ANKHD1: variants seen among roughly 807,000 people sequenced by gnomAD.
ANKHD1 encodes ankyrin repeat and KH domain-containing protein 1.
Under a neutral mutation model 230.5 loss-of-function variants are expected in ANKHD1, and 31 were observed. The ratio of observed to expected loss-of-function variants is 0.13; its 90% CI spans 0.10 to 0.18. The LOEUF is 0.18. Ranked by LOEUF, ANKHD1 falls within the 10% of genes least tolerant of loss-of-function variation. The pLI, the probability that ANKHD1 is intolerant of heterozygous loss-of-function variation, is 1.00. For synonymous variants in ANKHD1, 1,074 were observed against 1,117.6 expected (o/e 0.96, Z 0.78); for missense variants, 2,256 against 3,071.3 (o/e 0.73, Z 6.27).
chr5:140,436,745 GAA>G lies in ANKHD1; in HGVS notation c.460+503_460+504del, dbSNP rs1170599052. 1.5e-4 allele frequency among the ~76,000 whole-genome samples: 15 copies of G among 100,016 alleles called. No individual in the cohort carries two copies. The East Asian group carries it at 2.2e-3, about 15-fold the overall frequency. 65.6% of individuals were successfully genotyped at this position (100,016 alleles called of 152,430 possible). ...TGGGCAACAGAGCGAGACTCCGTCT[GAA>G]AAAAAAAAAAAAAAGATAATCAGCT... On this transcript the variant is annotated intron_variant, in intron 2 of 33. Transcript: ENST00000360839.
chr5:140,407,728 G>A (rs1169325247), intron 1 of ANKHD1, among the ~76,000 whole-genome samples: 1 of 152,078 alleles, frequency 6.6e-6, no homozygotes, highest in Non-Finnish European at 1.5e-5. Flanking sequence ...TAGAATTGTG[G>A]TCTTTTAATT....
chr5:140,525,331 C>T (rs531763354), intron 25 of ANKHD1, among the ~76,000 whole-genome samples: 116 of 151,872 alleles, frequency 7.6e-4, no homozygotes, highest in African/African-American at 2.3e-3. Flanking sequence ...GGTGCAATCT[C>T]GGCTCACTGC....
intron 1 of ANKHD1, among the ~76,000 whole-genome samples, chr5:140,432,948 C>T (rs1197920552): frequency 3.3e-5 from 5 of 151,988 alleles, no homozygotes; most frequent in Non-Finnish European, 7.4e-5. Flanking sequence ...AATGATCCCC[C>T]CCACCCTGGC....
At chr5:140,488,137 C>G (rs1458903534) in intron 14 of ANKHD1, among the ~76,000 whole-genome samples, 1 of 152,140 alleles carries the variant, frequency 6.6e-6, no homozygotes. Flanking sequence ...ATTAAACATG[C>G]ATCTGTAAGT....
At chr5:140,504,721 A>C in intron 15 of ANKHD1, 100 bp from the exon 16 acceptor site, 2 of 1,455,784 alleles carry the variant, frequency 1.4e-6, no homozygotes, top group South Asian at 2.8e-5. Context: ...TACTATTACT[A>C]CATATTACTG....
chr5:140,485,091 G>C lies in ANKHD1; in HGVS notation c.1871-30G>C. 1 of 1,587,918 alleles carries C rather than the reference G, an allele frequency of 6.3e-7. No homozygotes were observed. Among genetic ancestry groups the C allele is most frequent in the Non-Finnish European group, 8.6e-7 (1 of 1,159,932 alleles). ...ATGAACTAGCTTGATGTCAACCTTTGCTAAGATTGCGATTTATTTTTCTTC... is the reference window on the plus strand; with the variant it reads ...ATGAACTAGCTTGATGTCAACCTTTCCTAAGATTGCGATTTATTTTTCTTC... On this transcript the variant is annotated intron_variant, in intron 11 of 33. Coordinates refer to ENST00000360839, the MANE Select transcript of ANKHD1 (RefSeq NM_017747.3). The surrounding 1 kb of genome is among the most constrained non-coding windows in gnomAD (Gnocchi z 4.8).
chr5:140,518,803 T>C (rs1393313543), intron 24 of ANKHD1, among the ~76,000 whole-genome samples: 1 of 152,116 alleles, frequency 6.6e-6, no homozygotes, highest in African/African-American at 2.4e-5. Flanking sequence ...ATAAGAGCTA[T>C]CTATGACAAC....
At position 140,482,751 on chromosome 5, in the gene ANKHD1, C is replaced by G. The variant is rs1373861675; in HGVS notation, c.1870+84C>G. 2.2e-6 allele frequency: 3 copies of G among 1,389,472 alleles called. No individual in the cohort carries two copies. In the African/African-American group the frequency reaches 4.3e-5, roughly 20 times the overall value. The allele number at this position is 1,389,472 out of a possible 1,614,324, so 86.1% of individuals were successfully genotyped here. On this transcript the variant is annotated intron_variant, in intron 11 of 33. Transcript: ENST00000360839. ...TAAACTGTTGCAATTTATGTTATGG[C>G]TACTTTACCTACAGTAAAGTATTGT... is the stretch of plus-strand genomic sequence containing the variant.
In ANKHD1 at chr5:140,537,372, A is replaced by T. The variant is rs1309360225; in HGVS notation, c.7028-17A>T. 6.2e-7 allele frequency: 1 copy of T among 1,613,306 alleles called. No homozygotes were observed. Among genetic ancestry groups the T allele is most frequent in the South Asian group, 1.1e-5 (1 of 90,892 alleles). ...CTATTCCATCTGTTTCTTCGGGATC[A>T]TCTTCACCTCTTTCAGCCACTTCTG... On this transcript the variant is annotated splice_polypyrimidine_tract_variant and intron_variant, in intron 30 of 33. Transcript: ENST00000360839.
At chr5:140,426,011 A>T (rs1324801738) in intron 1 of ANKHD1, among the ~76,000 whole-genome samples, 1 of 152,182 alleles carries the variant, frequency 6.6e-6, no homozygotes, top group African/African-American at 2.4e-5. Context: ...AGGATAAGAC[A>T]TGTTGGCCTA....
intron 9 of ANKHD1, 23 bp from the exon 10 acceptor site, chr5:140,464,644 A>G (rs777607297): frequency 6.6e-7 from 1 of 1,521,770 alleles, no homozygotes; most frequent in South Asian, 1.3e-5. Context: ...CACAAAGTAA[A>G]TGTATGCTTT....
At position 140,526,065 on chromosome 5, in the gene ANKHD1, C is replaced by T; in HGVS notation, c.4562C>T (p.Ser1521Phe). 6.2e-7 allele frequency: 1 copy of T among 1,612,976 alleles called. No individual in the cohort carries two copies. Among genetic ancestry groups the T allele is most frequent in the Non-Finnish European group, 8.5e-7 (1 of 1,179,756 alleles). Residue 1521 changes from serine (S) to phenylalanine (F), a missense_variant, in exon 26 of 34, where the codon TCT becomes TTT. Transcript: ENST00000360839. The part of the protein sequence containing the change: ...TTTTIGISAT[S>F]ATFTNVFGKK... Reference sequence around the variant, plus strand: ...ACTACGATTGGAATCTCTGCAACATCTGCAACATTCACAAATGTGTTTGGG... The same window carrying T: ...ACTACGATTGGAATCTCTGCAACATTTGCAACATTCACAAATGTGTTTGGG...
chr5:140,486,883 G>T, intron 13 of ANKHD1, 75 bp from the exon 14 acceptor site: 2 of 1,449,992 alleles, frequency 1.4e-6, no homozygotes, highest in Non-Finnish European at 9.3e-7. Context: ...ACCTAAAACA[G>T]GATATCTGTT....
intron 5 of ANKHD1, among the ~76,000 whole-genome samples, chr5:140,442,229 G>A (rs1773912634): frequency 6.6e-6 from 1 of 151,542 alleles, no homozygotes; most frequent in Admixed American, 6.6e-5. Context: ...TTTTAGTAGA[G>A]ACGGGGGTTT....
intron 1 of ANKHD1, among the ~76,000 whole-genome samples, chr5:140,425,615 G>A (rs972924321): frequency 2.6e-5 from 4 of 151,990 alleles, no homozygotes; most frequent in African/African-American, 9.7e-5. Context: ...GGGGAATAAA[G>A]TTTTCATTGT....
rs776977819 is a variant in ANKHD1 at position 140,537,602 on chromosome 5, T to C, written c.7228+13T>C. 5.8e-6 allele frequency: 9 copies of C among 1,545,690 alleles called. No homozygotes were observed. Among genetic ancestry groups the C allele is most frequent in the South Asian group, 3.8e-5 (3 of 79,264 alleles). Reference sequence around the variant, plus strand: ...AATGCTGTGTCAGGTACAATTGCCTTGCTCTCTCTCTGGAGGGATATCTTA... The same window carrying C: ...AATGCTGTGTCAGGTACAATTGCCTCGCTCTCTCTCTGGAGGGATATCTTA... On this transcript the variant is annotated intron_variant, in intron 31 of 33. Coordinates refer to ENST00000360839, the MANE Select transcript of ANKHD1 (RefSeq NM_017747.3).
At chr5:140,478,353 CTTTCTT>C (rs1561780730) in intron 10 of ANKHD1, among the ~76,000 whole-genome samples, 2 of 145,484 alleles carry the variant, frequency 1.4e-5, no homozygotes, top group Non-Finnish European at 3.0e-5. Flanking sequence ...CAAGGCTTTT[CTTTCTT>C]TTTCTTTTTT....
chr5:140,461,935 CTA>C (rs1376535080), intron 9 of ANKHD1, among the ~76,000 whole-genome samples: 8 of 152,182 alleles, frequency 5.3e-5, no homozygotes, highest in African/African-American at 1.9e-4. Flanking sequence ...CATAAAATCA[CTA>C]TTAATCAATG....
intron 7 of ANKHD1, 73 bp from the exon 8 acceptor site, chr5:140,458,552 C>T (rs1775394310): frequency 1.3e-6 from 2 of 1,489,826 alleles, no homozygotes; most frequent in South Asian, 1.3e-5. Flanking sequence ...CTCTTGCTTT[C>T]TTCTCTCCCA....
Sources: allele counts gnomAD v4.1 joint callset (sites outside exome capture counted in the v4.1 genomes callset), GRCh38; gene constraint gnomAD v4.1.1; non-coding constraint Gnocchi (gnomAD v3.1); transcripts MANE v1.5; gene names NCBI Gene and HGNC (gene_info 2026-07-23, HGNC 2026-07-21).